DAPK1: variants seen among roughly 807,000 people sequenced by gnomAD.
The protein encoded by DAPK1 is death associated protein kinase 1.
A neutral mutation model predicts 144.9 loss-of-function variants in DAPK1; 56 were observed. The observed-to-expected ratio is 0.39, with a 90% CI of 0.31 to 0.48. The LOEUF is 0.48. Ranked by LOEUF, DAPK1 falls within the 20% of genes least tolerant of loss-of-function variation. The pLI, the probability that DAPK1 is intolerant of heterozygous loss-of-function variation, is 0.95. For synonymous variants in DAPK1, 690 were observed against 749.0 expected (o/e 0.92, Z 1.29); for missense variants, 1,454 against 1,875.4 (o/e 0.78, Z 4.15).
chr9:87,535,067 C>T (rs1038106993), intron 2 of DAPK1, among the ~76,000 whole-genome samples: 2 of 152,134 alleles, frequency 1.3e-5, no homozygotes, highest in African/African-American at 4.8e-5. Flanking sequence ...TTCTTAGTTT[C>T]TTGAAGCCCG....
In DAPK1 at chr9:87,530,163, T is replaced by C. The variant is rs184964461; in HGVS notation, c.62+31024T>C. ...CTCTCTTTTCCCCAGTGAGAACTTA[T>C]ATGGTTCCCATTATGTTCTATTGTT... On this transcript the variant is annotated intron_variant, in intron 2 of 25. Transcript: ENST00000408954. 8.5e-5 allele frequency among the ~76,000 whole-genome samples: 13 copies of C among 152,366 alleles called. No homozygotes were observed. In the East Asian group the frequency reaches 2.5e-3, roughly 29 times the overall value.
intron 3 of DAPK1, among the ~76,000 whole-genome samples, chr9:87,628,933 G>A (rs1321136714): frequency 2.6e-5 from 4 of 152,144 alleles, no homozygotes; most frequent in Admixed American, 2.6e-4. Flanking sequence ...CCCTTTCCTT[G>A]CTTCTCTTTA....
At chr9:87,615,165 C>A (rs1057272015) in intron 3 of DAPK1, among the ~76,000 whole-genome samples, 2 of 152,226 alleles carry the variant, frequency 1.3e-5, no homozygotes, top group African/African-American at 2.4e-5. Flanking sequence ...GCAAATACTT[C>A]CAAGAACAAC....
intron 18 of DAPK1, among the ~76,000 whole-genome samples, chr9:87,662,278 T>G (rs1405710883): frequency 2.6e-5 from 4 of 152,220 alleles, no homozygotes; most frequent in Admixed American, 2.6e-4. Flanking sequence ...TTGCTCTTTT[T>G]GCTTAGGATT....
In DAPK1 at chr9:87,605,071, C is replaced by T; in HGVS notation, c.180C>T (p.Asp60=). Reference sequence around the variant, plus strand: ...GCCGGCGGGGTGTGAGCCGCGAGGACATCGAGCGGGAGGTCAGCATCCTGA... The same window carrying T: ...GCCGGCGGGGTGTGAGCCGCGAGGATATCGAGCGGGAGGTCAGCATCCTGA... The part of the protein sequence containing the change: ...KSSRRGVSRE[D]IEREVSILKE... The change falls in exon 3 of 26, where the codon GAC becomes GAT. Residue 60 remains aspartate, a synonymous_variant. Transcript: ENST00000408954. 1 of 1,614,216 alleles carries T rather than the reference C, an allele frequency of 6.2e-7. No individual in the cohort carries two copies. Among genetic ancestry groups the T allele is most frequent in the Non-Finnish European group, 8.5e-7 (1 of 1,180,042 alleles).
intron 18 of DAPK1, among the ~76,000 whole-genome samples, chr9:87,664,726 C>T (rs749582677): frequency 6.6e-6 from 1 of 152,240 alleles, no homozygotes; most frequent in Non-Finnish European, 1.5e-5. Context: ...GCCTGGTCCC[C>T]ACGCAGCCGC....
In DAPK1 at chr9:87,705,727, T is replaced by G. The variant is rs138992806; in HGVS notation, c.3061-405T>G. ...GAAACATAACATTAATATAGTACTATGATTGAATATATCATCCTCATACAA... is the reference window on the plus strand; with the variant it reads ...GAAACATAACATTAATATAGTACTAGGATTGAATATATCATCCTCATACAA... On this transcript the variant is annotated intron_variant, in intron 25 of 25. Transcript: ENST00000408954. Among the ~76,000 whole-genome samples, 236 of 152,334 alleles carry G rather than the reference T, an allele frequency of 1.5e-3. 2 individuals are homozygous for G. Among genetic ancestry groups the G allele is most frequent in the African/African-American group, 5.4e-3 (223 of 41,574 alleles).
At chr9:87,636,403 G>T (rs1564035152) in intron 3 of DAPK1, among the ~76,000 whole-genome samples, 1 of 152,190 alleles carries the variant, frequency 6.6e-6, no homozygotes, top group African/African-American at 2.4e-5. Context: ...CAGCAGGAGC[G>T]TGGAATTAAG....
intron 3 of DAPK1, among the ~76,000 whole-genome samples, chr9:87,626,418 TAAAA>T (rs544234825): frequency 2.7e-5 from 4 of 147,086 alleles, no homozygotes; most frequent in African/African-American, 1.0e-4. Flanking sequence ...TCTGTCTCTT[TAAAA>T]AACAAACAAA....
rs989507970 is a variant in DAPK1 at position 87,498,960 on chromosome 9, T to C, written c.-108-10T>C. On this transcript the variant is annotated splice_polypyrimidine_tract_variant and intron_variant, in intron 1 of 25. Coordinates refer to ENST00000408954, the MANE Select transcript of DAPK1 (RefSeq NM_004938.4). ...TACTATTATTATTGCCTTTTTTTTT[T>C]CTTCAAAAGGACTGGAGACTGATGC... The C allele has an allele frequency of 1.2e-5, 9 of 734,142 alleles. No individual in the cohort carries two copies. The highest frequency in any genetic ancestry group is 1.1e-4 in the African/African-American group (6 of 56,696). The allele number at this position is 734,142 out of a possible 1,614,324, so 45.5% of individuals were successfully genotyped here.
intron 2 of DAPK1, among the ~76,000 whole-genome samples, chr9:87,514,764 G>A (rs965960834): frequency 2.0e-5 from 3 of 152,230 alleles, no homozygotes; most frequent in Non-Finnish European, 4.4e-5. Context: ...GCAGCAGGGA[G>A]ACTTGTCATG....
intron 2 of DAPK1, among the ~76,000 whole-genome samples, chr9:87,551,938 G>C (rs1424772281): frequency 6.6e-6 from 1 of 152,172 alleles, no homozygotes. Flanking sequence ...TGGGCAGCCG[G>C]AATCTAGATC....
intron 2 of DAPK1, chr9:87,506,805 C>T (rs560729548): frequency 1.1e-3 from 164 of 152,118 alleles, no homozygotes; most frequent in African/African-American, 3.7e-3. Flanking sequence ...CTATTATAAA[C>T]GAATTTTTTT....
At chr9:87,568,913 G>A (rs953896917) in intron 2 of DAPK1, among the ~76,000 whole-genome samples, 6 of 152,182 alleles carry the variant, frequency 3.9e-5, no homozygotes, top group African/African-American at 1.4e-4. Flanking sequence ...CTGATGTGAT[G>A]AGCAGACTTT....
chr9:87,686,717 C>T lies in DAPK1; in HGVS notation c.2391C>T (p.Asp797=). The stretch of plus-strand genomic sequence containing the variant: ...ATGACCAGTCCACCAAGGCCATCGA[C>T]ATCCAGAACGCTTATTTGAATGGTA... ...SADDQSTKAI[D]IQNAYLNGVG... Residue 797 remains aspartate (D), a synonymous_variant, in exon 21 of 26, where the codon GAC becomes GAT. Coordinates refer to ENST00000408954, the MANE Select transcript of DAPK1 (RefSeq NM_004938.4). This position sits in a 1 kb window ranked among gnomAD's most constrained non-coding sequence, Gnocchi z 4.2. 6.2e-7 allele frequency: 1 copy of T among 1,612,902 alleles called. No homozygotes were observed. Among genetic ancestry groups the T allele is most frequent in the East Asian group, 2.2e-5 (1 of 44,856 alleles).
intron 17 of DAPK1, among the ~76,000 whole-genome samples, chr9:87,653,468 A>C (rs1005612980): frequency 6.6e-6 from 1 of 152,168 alleles, no homozygotes; most frequent in Non-Finnish European, 1.5e-5. Context: ...TACTTTTTGC[A>C]TAACTCAGTG....
At chr9:87,630,000 G>A (rs537615000) in intron 3 of DAPK1, among the ~76,000 whole-genome samples, 1 of 152,230 alleles carries the variant, frequency 6.6e-6, no homozygotes, top group African/African-American at 2.4e-5. Flanking sequence ...AGCCCAGATG[G>A]AGAGACCACG....
rs757304675 is a variant in DAPK1, at chr9:87,566,425, A to G, written c.63-38529A>G. On this transcript the variant is annotated intron_variant, in intron 2 of 25. Transcript: ENST00000408954. The stretch of plus-strand genomic sequence containing the variant: ...CTTGTTCTTTAGGAAAGTAGAATCT[A>G]TATATCTCCAAGATGATATGACTCA... Among the ~76,000 whole-genome samples the G allele has an allele frequency of 3.8e-4, 58 of 152,186 alleles. 1 individual carries two copies. The highest frequency in any genetic ancestry group is 7.9e-4 in the Non-Finnish European group (54 of 68,024).
chr9:87,509,961 C>G (rs1824768574), intron 2 of DAPK1, among the ~76,000 whole-genome samples: 1 of 152,218 alleles, frequency 6.6e-6, no homozygotes, highest in Non-Finnish European at 1.5e-5. Context: ...CTTTTTCTGA[C>G]TAAGTCACTA....
Sources: allele counts gnomAD v4.1 joint callset (sites outside exome capture counted in the v4.1 genomes callset), GRCh38; gene constraint gnomAD v4.1.1; non-coding constraint Gnocchi (gnomAD v3.1); transcripts MANE v1.5; gene names NCBI Gene and HGNC (gene_info 2026-07-23, HGNC 2026-07-21).